Variants in DLG2 observed in about 807,000 individuals in gnomAD.
DLG2 encodes the protein disks large homolog 2.
A neutral mutation model predicts 132.5 loss-of-function variants in DLG2; 45 were observed. The observed-to-expected ratio is 0.34, with a 90% CI of 0.27 to 0.44. The LOEUF (loss-of-function observed/expected upper bound fraction) is 0.44, where lower values mean the gene tolerates loss of function less well. DLG2 is among the 20% of genes least tolerant of loss of function. The pLI is 1.00. For missense variants in DLG2, 1,045 were observed against 1,196.9 expected (o/e 0.87, Z 1.87); for synonymous variants, 424 against 419.6 (o/e 1.01, Z -0.13).
intron 5 of DLG2, among the ~76,000 whole-genome samples, chr11:85,120,673 G>A (rs1421476708): frequency 1.3e-5 from 2 of 152,018 alleles, no homozygotes; most frequent in Non-Finnish European, 2.9e-5. Context: ...AAGTATGCGA[G>A]AGGTAAGCTA....
intron 19 of DLG2, among the ~76,000 whole-genome samples, chr11:83,620,563 C>T (rs2061463217): frequency 6.6e-6 from 1 of 152,104 alleles, no homozygotes; most frequent in Non-Finnish European, 1.5e-5. Flanking sequence ...ATCTAAAAGA[C>T]GTCTTTCTTT....
chr11:85,417,916 G>A (rs574079746), intron 3 of DLG2, among the ~76,000 whole-genome samples: 3 of 152,148 alleles, frequency 2.0e-5, no homozygotes, highest in Non-Finnish European at 4.4e-5. Flanking sequence ...TTTTTGAAGG[G>A]TTTTTAATGT....
intron 6 of DLG2, among the ~76,000 whole-genome samples, chr11:84,632,258 G>A (rs932411632): frequency 5.2e-4 from 77 of 148,270 alleles, no homozygotes; most frequent in Non-Finnish European, 2.1e-4. Flanking sequence ...TTTCAGTCTT[G>A]CTTTTTTTTT....
At chr11:84,679,395 C>G (rs12270207) in intron 6 of DLG2, among the ~76,000 whole-genome samples, 75,899 of 151,816 alleles carry the variant, frequency 0.5, 21,745 homozygotes, top group African/African-American at 0.8. Flanking sequence ...AATGTTTGGA[C>G]AGTTGCTTTT....
intron 4 of DLG2, among the ~76,000 whole-genome samples, chr11:85,157,849 C>T (rs554532282): frequency 1.2e-4 from 18 of 152,050 alleles, no homozygotes; most frequent in East Asian, 5.8e-4. Flanking sequence ...TAAACTCTGA[C>T]GAAGCTTTTT....
chr11:84,025,279 C>T (rs148845408), intron 11 of DLG2, among the ~76,000 whole-genome samples: 2,899 of 152,158 alleles, frequency 0.019, 38 homozygotes, highest in Non-Finnish European at 0.03. Flanking sequence ...TGGATGGCAG[C>T]AGTCAAAGAG....
Position 83,507,443 on chromosome 11 carries a change from T to C in DLG2, c.2194-23215A>G, listed in dbSNP as rs924559672. ...CATACATATATCCTATATATATATCTGTATATATATACACATATATATACC... is the reference window on the plus strand; with the variant it reads ...CATACATATATCCTATATATATATCCGTATATATATACACATATATATACC... On this transcript the variant is annotated intron_variant, in intron 21 of 27. Transcript: ENST00000376104. Among the ~76,000 whole-genome samples, 249 of 143,698 alleles carry C rather than the reference T, an allele frequency of 1.7e-3. 1 individual carries two copies. The highest frequency in any genetic ancestry group is 2.8e-3 in the Non-Finnish European group (185 of 65,986). 94.3% of individuals were successfully genotyped at this position (143,698 alleles called of 152,430 possible).
At chr11:84,462,805 C>T (rs990502768) in intron 7 of DLG2, among the ~76,000 whole-genome samples, 1 of 150,932 alleles carries the variant, frequency 6.6e-6, no homozygotes, top group African/African-American at 2.4e-5. Context: ...TATTAGTGGC[C>T]AACGTAACAA....
intron 6 of DLG2, among the ~76,000 whole-genome samples, chr11:84,934,821 C>T (rs1482544994): frequency 6.6e-6 from 1 of 151,682 alleles, no homozygotes; most frequent in African/African-American, 2.4e-5. Context: ...CATTTCATAC[C>T]TTTTCCTAGG....
intron 6 of DLG2, among the ~76,000 whole-genome samples, chr11:84,618,344 C>T (rs994838853): frequency 6.6e-6 from 1 of 152,166 alleles, no homozygotes; most frequent in African/African-American, 2.4e-5. Context: ...TCCGTCATTA[C>T]AGCACACAAG....
chr11:84,271,546 T>C (rs1333908287), intron 7 of DLG2, among the ~76,000 whole-genome samples: 12 of 152,174 alleles, frequency 7.9e-5, no homozygotes, highest in Non-Finnish European at 1.8e-4. Context: ...ACAAAGCTAA[T>C]AATGAAAACT....
intron 7 of DLG2, among the ~76,000 whole-genome samples, chr11:84,384,035 T>G (rs187581696): frequency 4.6e-5 from 7 of 150,726 alleles, no homozygotes; most frequent in African/African-American, 1.5e-4. Flanking sequence ...GATAAAAAAT[T>G]TCAAGAGCAG....
intron 22 of DLG2, chr11:83,480,606 C>G: frequency 6.4e-7 from 1 of 1,556,862 alleles, no homozygotes; most frequent in South Asian, 1.2e-5. Flanking sequence ...CAGGAACCCG[C>G]TGCTTGATTG....
intron 18 of DLG2, among the ~76,000 whole-genome samples, chr11:83,781,333 T>C (rs2094817851): frequency 6.6e-6 from 1 of 152,176 alleles, no homozygotes; most frequent in African/African-American, 2.4e-5. Context: ...CACTGCTTTG[T>C]TATTTCCTTA....
chr11:84,881,536 GCTA>G (rs2087338748), intron 6 of DLG2, among the ~76,000 whole-genome samples: 1 of 152,108 alleles, frequency 6.6e-6, no homozygotes, highest in Admixed American at 6.6e-5. Flanking sequence ...TAACGGGGGT[GCTA>G]CTGACATTTG....
chr11:84,232,257 T>C (rs2097103925), intron 8 of DLG2, among the ~76,000 whole-genome samples: 1 of 152,112 alleles, frequency 6.6e-6, no homozygotes, highest in South Asian at 2.1e-4. Context: ...TTCAGAGCGC[T>C]TACTATTTTA....
intron 10 of DLG2, among the ~76,000 whole-genome samples, chr11:84,089,036 C>G (rs2097044047): frequency 6.6e-6 from 1 of 152,142 alleles, no homozygotes; most frequent in South Asian, 2.1e-4. Context: ...AGTTGGGGTA[C>G]AGTGGAAATT....
chr11:85,474,305 A>C (rs1034340663), intron 3 of DLG2, among the ~76,000 whole-genome samples: 6 of 152,048 alleles, frequency 3.9e-5, no homozygotes, highest in Non-Finnish European at 7.4e-5. Context: ...TAGATAAGCA[A>C]AAAATTACAG....
chr11:84,408,337 T>TTATA (rs34156590), intron 7 of DLG2, among the ~76,000 whole-genome samples: 17 of 148,406 alleles, frequency 1.1e-4, no homozygotes, highest in Admixed American at 4.7e-4. Context: ...CTTGCACATG[T>TTATA]TATATATATA....
Sources: allele counts gnomAD v4.1 joint callset (sites outside exome capture counted in the v4.1 genomes callset), GRCh38; gene constraint gnomAD v4.1.1; transcripts MANE v1.5; gene names NCBI Gene and HGNC (gene_info 2026-07-23, HGNC 2026-07-21).